Variants in ZNF782 observed in about 807,000 individuals in gnomAD.
The protein encoded by ZNF782 is zinc finger protein 782.
A neutral mutation model predicts 13.0 loss-of-function variants in ZNF782; 12 were observed. The observed-to-expected ratio is 0.92, with a 90% CI of 0.59 to 1.50. The LOEUF (loss-of-function observed/expected upper bound fraction) is 1.50, where lower values mean the gene tolerates loss of function less well. ZNF782 is among the 40% of genes most tolerant of loss of function. ZNF782 has a pLI of 0.00. For synonymous variants in ZNF782, 284 were observed against 283.0 expected (o/e 1.00, Z -0.04); for missense variants, 770 against 822.9 (o/e 0.94, Z 0.79).
the ZNF782 span, among the ~76,000 whole-genome samples, chr9:96,886,301 G>C: frequency 6.6e-6 from 1 of 151,026 alleles, no homozygotes; most frequent in Non-Finnish European, 1.5e-5. Flanking sequence ...CTCACAAGTT[G>C]AAACTTAAGA....
chr9:96,913,849 T>TA, the ZNF782 span, among the ~76,000 whole-genome samples: 15,268 of 148,912 alleles, frequency 0.1, 821 homozygotes, highest in Admixed American at 0.18. Context: ...TCTCCTAAGG[T>TA]AAAAAAATGG....
chr9:96,902,742 C>G, the ZNF782 span, among the ~76,000 whole-genome samples: 2 of 144,684 alleles, frequency 1.4e-5, no homozygotes, highest in African/African-American at 5.1e-5. Flanking sequence ...AGTTAGCCTA[C>G]AGTAAAATTG....
At chr9:96,932,610 G>A in the ZNF782 span, among the ~76,000 whole-genome samples, 1 of 152,150 alleles carries the variant, frequency 6.6e-6, no homozygotes, top group African/African-American at 2.4e-5. Context: ...GGGGCCTCAT[G>A]TCAACTGCCT....
At chr9:96,902,069 G>C in the ZNF782 span, among the ~76,000 whole-genome samples, 1 of 151,986 alleles carries the variant, frequency 6.6e-6, no homozygotes, top group African/African-American at 2.4e-5. Context: ...TCAAAGTGTG[G>C]CACAGGCAAC....
chr9:96,912,708 T>C, the ZNF782 span, among the ~76,000 whole-genome samples: 1 of 151,304 alleles, frequency 6.6e-6, no homozygotes, highest in Non-Finnish European at 1.5e-5. Flanking sequence ...TTTGTATTTT[T>C]AGTAGAGACG....
intron 1 of ZNF782, among the ~76,000 whole-genome samples, chr9:96,853,823 A>C (rs2118831992): frequency 6.6e-6 from 1 of 152,342 alleles, no homozygotes; most frequent in East Asian, 1.9e-4. Flanking sequence ...CCTGAGCCTC[A>C]GTTATATTTA....
the ZNF782 span, among the ~76,000 whole-genome samples, chr9:96,881,035 A>G: frequency 6.6e-6 from 1 of 152,114 alleles, no homozygotes; most frequent in South Asian, 2.1e-4. Context: ...AGAACATTTA[A>G]GTTATTGAAT....
At chr9:96,919,774 G>A in the ZNF782 span, among the ~76,000 whole-genome samples, 1 of 150,044 alleles carries the variant, frequency 6.7e-6, no homozygotes, top group Non-Finnish European at 1.5e-5. Context: ...ATGTTGGCCT[G>A]GTCTCAAACT....
At chr9:96,931,179 T>C in the ZNF782 span, among the ~76,000 whole-genome samples, 196 of 152,232 alleles carry the variant, frequency 1.3e-3, no homozygotes, top group African/African-American at 4.4e-3. Context: ...TGAACCAGCA[T>C]GCCCGGCCTA....
chr9:96,920,518 G>A, the ZNF782 span, among the ~76,000 whole-genome samples: 3 of 148,028 alleles, frequency 2.0e-5, no homozygotes, highest in East Asian at 2.1e-4. Context: ...CGCCCGCCTC[G>A]GCCTCCCAAA....
intron 1 of ZNF782, among the ~76,000 whole-genome samples, chr9:96,871,665 TAGCCATTGCACTCC>T (rs1350220049): frequency 6.6e-6 from 1 of 152,136 alleles, no homozygotes; most frequent in Non-Finnish European, 1.5e-5. Context: ...TGCCTGGAAA[TAGCCATTGCACTCC>T]AGCCTTGGCA....
upstream of ZNF782, among the ~76,000 whole-genome samples, chr9:96,878,752 T>C (rs1372802031): frequency 1.3e-5 from 2 of 152,252 alleles, no homozygotes; most frequent in African/African-American, 4.8e-5. Context: ...AATAGCATTG[T>C]TCATGCATCT....
At chr9:96,886,198 T>C in the ZNF782 span, among the ~76,000 whole-genome samples, 2 of 147,074 alleles carry the variant, frequency 1.4e-5, no homozygotes, top group Non-Finnish European at 3.0e-5. Flanking sequence ...GAAAGCAATT[T>C]TTAAGTACAG....
At chr9:96,829,792 A>T (rs2118501250) in intron 4 of ZNF782, among the ~76,000 whole-genome samples, 1 of 152,308 alleles carries the variant, frequency 6.6e-6, no homozygotes, top group East Asian at 1.9e-4. Flanking sequence ...AATAGTAAAA[A>T]AAATTTCAAA....
the ZNF782 span, chr9:96,887,471 G>C: frequency 6.6e-6 from 1 of 152,138 alleles, no homozygotes; most frequent in Non-Finnish European, 1.5e-5. Flanking sequence ...ACAGAGATTG[G>C]CAGAGTGGAC....
In ZNF782 at chr9:96,847,022, G is replaced by A. The variant is rs1165246209; in HGVS notation, c.16-2006C>T. 3.3e-5 allele frequency among the ~76,000 whole-genome samples: 5 copies of A among 152,162 alleles called. No homozygotes were observed. The East Asian group carries it at 9.6e-4, about 29-fold the overall frequency. On this transcript the variant is annotated intron_variant, in intron 3 of 5. Coordinates refer to ENST00000481138, the MANE Select transcript of ZNF782 (RefSeq NM_001001662.3). ...ATCACAGCAGAATAAAACTAGGGAT[G>A]AACTCTAAAAGGAACCTTTAAAACT...
intron 5 of ZNF782, among the ~76,000 whole-genome samples, chr9:96,825,819 C>G (rs1358597863): frequency 6.6e-6 from 1 of 151,724 alleles, no homozygotes; most frequent in Non-Finnish European, 1.5e-5. Flanking sequence ...CACTGGCCAT[C>G]AGAGAAATGC....
At chr9:96,868,649 G>A (rs998273759) in intron 1 of ZNF782, among the ~76,000 whole-genome samples, 3 of 152,126 alleles carry the variant, frequency 2.0e-5, no homozygotes, top group African/African-American at 4.8e-5. Context: ...TCATTAACAC[G>A]TTTTTTACAT....
Position 96,844,837 on chromosome 9 carries a change from G to C in ZNF782, c.142+53C>G, listed in dbSNP as rs1588165122. On this transcript the variant is annotated intron_variant, in intron 4 of 5. Transcript: ENST00000481138. Reference sequence around the variant, plus strand: ...GGTACGGTATGGAGAGAGAGAAAGAGAGGAGAAACAGAACTGCACTCTGGA... The same window carrying C: ...GGTACGGTATGGAGAGAGAGAAAGACAGGAGAAACAGAACTGCACTCTGGA... 3.7e-6 allele frequency: 6 copies of C among 1,612,920 alleles called. No homozygotes were observed. The East Asian group carries it at 6.7e-5, about 18-fold the overall frequency.
Sources: gnomAD v4.1 joint callset for allele counts (sites outside exome capture counted in the v4.1 genomes callset) on GRCh38, gnomAD v4.1.1 for gene constraint, MANE v1.5 for transcripts, NCBI Gene and HGNC (gene_info 2026-07-23, HGNC 2026-07-21) for gene names.